Variants in RAB30 observed in about 807,000 individuals in gnomAD.
RAB30 encodes ras-related protein Rab-30.
A neutral mutation model predicts 25.1 loss-of-function variants in RAB30; 9 were observed. That is an observed-to-expected ratio of 0.36 (90% CI 0.22 to 0.63). RAB30 has a LOEUF of 0.63. Among genes scored for constraint, RAB30 ranks in the 20% least tolerant of loss-of-function variants. The pLI is 0.69. For synonymous variants in RAB30, 77 were observed against 86.4 expected, an observed-to-expected ratio of 0.89 and a Z score of 0.60; for missense variants, 140 against 243.5, an observed-to-expected ratio of 0.58 and a Z score of 2.83.
intron 1 of RAB30, among the ~76,000 whole-genome samples, chr11:83,013,870 C>A (rs1306394118): frequency 6.6e-6 from 1 of 152,234 alleles, no homozygotes; most frequent in African/African-American, 2.4e-5. Context: ...GTGCTAGACA[C>A]AGACCTATCC....
intron 1 of RAB30, among the ~76,000 whole-genome samples, chr11:83,055,617 T>C (rs1858443099): frequency 6.6e-6 from 1 of 152,250 alleles, no homozygotes; most frequent in Non-Finnish European, 1.5e-5. Flanking sequence ...ATGATTTGAA[T>C]GGTTTGTGTC....
intron 1 of RAB30, among the ~76,000 whole-genome samples, chr11:83,060,945 C>A (rs1858560165): frequency 6.6e-6 from 1 of 152,178 alleles, no homozygotes; most frequent in Non-Finnish European, 1.5e-5. Flanking sequence ...CTGAAATACA[C>A]TACACTCTTC....
chr11:83,007,559 G>A (rs1857211142), intron 1 of RAB30, among the ~76,000 whole-genome samples: 1 of 152,256 alleles, frequency 6.6e-6, no homozygotes, highest in East Asian at 1.9e-4. Context: ...GCAAACACCT[G>A]AATTATCTTC....
chr11:82,997,184 C>G lies in RAB30; in HGVS notation c.93+40G>C, dbSNP rs375629164. On this transcript the variant is annotated intron_variant, in intron 2 of 4. Coordinates refer to ENST00000527633, the MANE Select transcript of RAB30 (RefSeq NM_001286060.2). ...AACCCCTCAGGCTAGACTGACAAACCCAACCCTGGGCTTACGAGTTCCCTT... is the reference window on the plus strand; with the variant it reads ...AACCCCTCAGGCTAGACTGACAAACGCAACCCTGGGCTTACGAGTTCCCTT... 9.8e-6 allele frequency: 15 copies of G among 1,537,010 alleles called. No homozygotes were observed. In the South Asian group the frequency reaches 1.7e-4, roughly 17 times the overall value.
In RAB30 at chr11:83,022,754, A is replaced by G. The variant is rs1283710939; in HGVS notation, c.-8-25430T>C. Among the ~76,000 whole-genome samples the G allele has an allele frequency of 3.3e-5, 5 of 152,292 alleles. No homozygotes were observed. In the South Asian group the frequency reaches 6.2e-4, roughly 19 times the overall value. The stretch of plus-strand genomic sequence containing the variant: ...AATGGGCAATTTAAAAAATAATAAT[A>G]ATGAAGTAAAAATACCCCCTGGTCA... On this transcript the variant is annotated intron_variant, in intron 1 of 4. Transcript: ENST00000527633.
intron 2 of RAB30, among the ~76,000 whole-genome samples, 187 bp downstream of exon 2, chr11:82,997,037 G>A (rs1290759460): frequency 1.3e-5 from 2 of 152,206 alleles, no homozygotes; most frequent in Non-Finnish European, 2.9e-5. Flanking sequence ...ATGCTCCCGT[G>A]AGGTGGTTTA....
At chr11:83,042,624 G>A (rs898215759) in intron 1 of RAB30, among the ~76,000 whole-genome samples, 4 of 152,106 alleles carry the variant, frequency 2.6e-5, no homozygotes, top group African/African-American at 9.7e-5. Context: ...TACAAAATCT[G>A]GCAGCCCCCA....
At chr11:83,031,532 C>CTTT (rs71063251) in intron 1 of RAB30, among the ~76,000 whole-genome samples, 7 of 143,700 alleles carry the variant, frequency 4.9e-5, no homozygotes, top group African/African-American at 1.0e-4. Context: ...CTTTTTTTTT[C>CTTT]TTTTTTTTTT....
chr11:83,022,444 C>G (rs1340550511), intron 1 of RAB30, among the ~76,000 whole-genome samples: 1 of 152,052 alleles, frequency 6.6e-6, no homozygotes, highest in Non-Finnish European at 1.5e-5. Context: ...CAGGTGTGAG[C>G]CACCGCACTT....
intron 1 of RAB30, among the ~76,000 whole-genome samples, chr11:83,045,032 T>C (rs2121516419): frequency 6.6e-6 from 1 of 152,290 alleles, no homozygotes; most frequent in Admixed American, 6.5e-5. Flanking sequence ...TAAAAACAAC[T>C]GCAGGGCAAT....
At chr11:83,050,817 A>G (rs1426033765) in intron 1 of RAB30, among the ~76,000 whole-genome samples, 1 of 152,170 alleles carries the variant, frequency 6.6e-6, no homozygotes, top group Admixed American at 6.5e-5. Context: ...AATGATGGTG[A>G]CATAGATTCC....
intron 1 of RAB30, among the ~76,000 whole-genome samples, chr11:82,998,743 C>G (rs1484297182): frequency 6.0e-5 from 9 of 151,032 alleles, no homozygotes; most frequent in Admixed American, 6.0e-4. Flanking sequence ...ACAATTTGCG[C>G]CAACAGTGCA....
intron 1 of RAB30, chr11:83,041,194 T>TTAA: frequency 1.1e-5 from 1 of 92,248 alleles, no homozygotes; most frequent in South Asian, 3.1e-4. Flanking sequence ...AAACTCTGTC[T>TTAA]CAAAAAAAAA....
intron 1 of RAB30, among the ~76,000 whole-genome samples, chr11:83,028,073 G>A (rs1857767519): frequency 6.6e-6 from 1 of 152,096 alleles, no homozygotes; most frequent in Non-Finnish European, 1.5e-5. Context: ...AAAAAAAAGT[G>A]ACTTGAAGGA....
chr11:83,064,894 T>C (rs1426907100), intron 1 of RAB30, among the ~76,000 whole-genome samples: 1 of 152,192 alleles, frequency 6.6e-6, no homozygotes, highest in East Asian at 1.9e-4. Context: ...AGCTTTTTTT[T>C]TTAAGTCCAG....
intron 1 of RAB30, among the ~76,000 whole-genome samples, chr11:83,026,013 A>AC (rs1285787112): frequency 6.6e-6 from 1 of 151,972 alleles, no homozygotes; most frequent in South Asian, 2.1e-4. Context: ...ACATAGTGAG[A>AC]CCCCCATCTC....
intron 1 of RAB30, among the ~76,000 whole-genome samples, chr11:83,026,987 C>T (rs1359334359): frequency 6.6e-6 from 1 of 152,094 alleles, no homozygotes; most frequent in Non-Finnish European, 1.5e-5. Flanking sequence ...ACCTTGTACT[C>T]CTAGAGCAGG....
chr11:83,023,268 G>T (rs1375090029), intron 1 of RAB30, among the ~76,000 whole-genome samples: 1 of 152,126 alleles, frequency 6.6e-6, no homozygotes, highest in Non-Finnish European at 1.5e-5. Flanking sequence ...AGTATTTAAA[G>T]AAATCTCATG....
At chr11:83,027,641 T>G (rs1415221159) in intron 1 of RAB30, among the ~76,000 whole-genome samples, 1 of 152,178 alleles carries the variant, frequency 6.6e-6, no homozygotes, top group Non-Finnish European at 1.5e-5. Flanking sequence ...TTCACCCTTT[T>G]AAAATATGCA....
Sources: gnomAD v4.1 joint callset for allele counts (sites outside exome capture counted in the v4.1 genomes callset) on GRCh38, gnomAD v4.1.1 for gene constraint, MANE v1.5 for transcripts, NCBI Gene and HGNC (gene_info 2026-07-23, HGNC 2026-07-21) for gene names.